FIG4: variants seen among roughly 807,000 people sequenced by gnomAD.
FIG4 encodes the protein polyphosphoinositide phosphatase.
Under a neutral mutation model 118.6 loss-of-function variants are expected in FIG4, and 112 were observed. The observed-to-expected ratio is 0.94, with a 90% CI of 0.81 to 1.11. The LOEUF is 1.11. FIG4 is among the 50% of genes least tolerant of loss of function. FIG4 has a pLI of 0.00. For missense variants in FIG4, 969 were observed against 1,111.7 expected (o/e 0.87, Z 1.83); for synonymous variants, 369 against 381.2 (o/e 0.97, Z 0.37).
intron 10 of FIG4, among the ~76,000 whole-genome samples, chr6:109,754,573 A>G (rs1562663966): frequency 6.6e-6 from 1 of 151,666 alleles, no homozygotes; most frequent in African/African-American, 2.4e-5. Flanking sequence ...CTGGTCCTGG[A>G]CTCTTTTTAG....
intron 15 of FIG4, among the ~76,000 whole-genome samples, chr6:109,773,063 T>C (rs1013346925): frequency 6.6e-6 from 1 of 152,210 alleles, no homozygotes; most frequent in African/African-American, 2.4e-5. Context: ...TGGGGGCCAC[T>C]GTCAGTTCCT....
intron 3 of FIG4, among the ~76,000 whole-genome samples, chr6:109,723,635 T>G (rs937427230): frequency 1.3e-5 from 2 of 152,236 alleles, no homozygotes; most frequent in African/African-American, 2.4e-5. Context: ...CTTCCAATGC[T>G]GCATGATTCT....
intron 22 of FIG4, among the ~76,000 whole-genome samples, chr6:109,805,211 G>A (rs1467738815): frequency 6.6e-6 from 1 of 152,118 alleles, no homozygotes; most frequent in East Asian, 1.9e-4. Flanking sequence ...AGGGACCATG[G>A]TTTTCTGATT....
intron 22 of FIG4, among the ~76,000 whole-genome samples, chr6:109,804,840 A>G (rs908655833): frequency 1.3e-5 from 2 of 152,192 alleles, no homozygotes; most frequent in South Asian, 4.1e-4. Flanking sequence ...GTTAATCTAA[A>G]ACTAATATAA....
At chr6:109,816,022 T>C (rs1778853498) in intron 22 of FIG4, among the ~76,000 whole-genome samples, 2 of 152,066 alleles carry the variant, frequency 1.3e-5, no homozygotes, top group South Asian at 4.1e-4. Context: ...TTTTAAAAGA[T>C]AAAAAAATAC....
At chr6:109,791,985 G>A (rs1054232792) in intron 20 of FIG4, among the ~76,000 whole-genome samples, 2 of 152,168 alleles carry the variant, frequency 1.3e-5, no homozygotes, top group African/African-American at 4.8e-5. Flanking sequence ...GAAACAAATA[G>A]AAATAAGCAA....
intron 21 of FIG4, among the ~76,000 whole-genome samples, chr6:109,794,838 G>A (rs1778232034): frequency 6.6e-6 from 1 of 152,194 alleles, no homozygotes; most frequent in Non-Finnish European, 1.5e-5. Context: ...AACCAGTGGA[G>A]AAGGGAAGCC....
At chr6:109,733,530 T>G (rs776934084) in intron 5 of FIG4, among the ~76,000 whole-genome samples, 9 of 152,196 alleles carry the variant, frequency 5.9e-5, no homozygotes, top group Non-Finnish European at 8.8e-5. Flanking sequence ...CAGGGTGCTT[T>G]GCATTAAAAA....
At chr6:109,699,413 A>T (rs1343083544) in intron 1 of FIG4, among the ~76,000 whole-genome samples, 1 of 151,458 alleles carries the variant, frequency 6.6e-6, no homozygotes, top group African/African-American at 2.4e-5. Flanking sequence ...TGACTTGGTT[A>T]ATTTTCTATA....
chr6:109,723,262 A>G (rs542237927), intron 3 of FIG4, among the ~76,000 whole-genome samples: 14 of 152,106 alleles, frequency 9.2e-5, no homozygotes, highest in Non-Finnish European at 1.9e-4. Flanking sequence ...CCACCAAGAA[A>G]GTTAGTTTTA....
At chr6:109,759,801 C>G (rs1209894959) in intron 10 of FIG4, among the ~76,000 whole-genome samples, 1 of 152,232 alleles carries the variant, frequency 6.6e-6, no homozygotes, top group Non-Finnish European at 1.5e-5. Context: ...TTTATGAAGT[C>G]CTGTGAAGGC....
chr6:109,701,167 A>G (rs552338111), intron 1 of FIG4, among the ~76,000 whole-genome samples: 1 of 152,344 alleles, frequency 6.6e-6, no homozygotes, highest in African/African-American at 2.4e-5. Context: ...CTGTGTTGGC[A>G]GATGACATGC....
At chr6:109,731,067 G>C (rs12213341) in intron 4 of FIG4, among the ~76,000 whole-genome samples, 7,834 of 152,186 alleles carry the variant, frequency 0.051, 401 homozygotes, top group East Asian at 0.23. Context: ...AAAGGAACAG[G>C]CAGCTCACAG....
intron 15 of FIG4, among the ~76,000 whole-genome samples, chr6:109,771,525 G>A (rs1777462211): frequency 7.2e-6 from 1 of 138,728 alleles, no homozygotes; most frequent in African/African-American, 2.7e-5. Context: ...CTGGAGTGCA[G>A]TGGCACTATC....
chr6:109,716,690 G>A (rs1775441099), intron 3 of FIG4, 122 bp downstream of exon 3: 2 of 1,229,442 alleles, frequency 1.6e-6, no homozygotes, highest in African/African-American at 3.0e-5. Context: ...TGTAGCTTTG[G>A]TTATTTAAAA....
chr6:109,754,364 G>A (rs1776811413), intron 10 of FIG4, among the ~76,000 whole-genome samples: 2 of 152,126 alleles, frequency 1.3e-5, no homozygotes, highest in African/African-American at 2.4e-5. Context: ...GAGGATTTTT[G>A]CATCAGTGTT....
chr6:109,750,870 T>C (rs1776673742), intron 10 of FIG4, among the ~76,000 whole-genome samples: 1 of 152,144 alleles, frequency 6.6e-6, no homozygotes, highest in Non-Finnish European at 1.5e-5. Flanking sequence ...TTCAAAAAGA[T>C]TTTGTTTCCC....
chr6:109,743,941 C>T (rs1402891632), intron 10 of FIG4, among the ~76,000 whole-genome samples, 169 bp downstream of exon 10: 2 of 152,068 alleles, frequency 1.3e-5, no homozygotes, highest in Non-Finnish European at 2.9e-5. Context: ...TTTCCTTTGG[C>T]CTCAGATTCC....
chr6:109,759,475 T>C (rs1166696888), intron 10 of FIG4, among the ~76,000 whole-genome samples: 3 of 152,200 alleles, frequency 2.0e-5, no homozygotes, highest in Non-Finnish European at 4.4e-5. Context: ...ACATTGATGT[T>C]GTAAGGAAGA....
Sources: allele counts gnomAD v4.1 joint callset (sites outside exome capture counted in the v4.1 genomes callset), GRCh38; gene constraint gnomAD v4.1.1; transcripts MANE v1.5; gene names NCBI Gene and HGNC (gene_info 2026-07-23, HGNC 2026-07-21).